The following GPC5 variants were observed in gnomAD, a reference collection of about 807,000 sequenced individuals.
GPC5 encodes the protein glypican 5.
Under a neutral mutation model 53.9 loss-of-function variants are expected in GPC5, and 47 were observed. The observed-to-expected ratio is 0.87, with a 90% confidence interval of 0.69 to 1.11. GPC5 has a LOEUF of 1.11. Among genes scored for constraint, GPC5 ranks in the 50% most tolerant of loss-of-function variants. GPC5 has a pLI of 0.00. For missense variants in GPC5, 748 were observed against 713.1 expected, an observed-to-expected ratio of 1.05 and a Z score of -0.56; for synonymous variants, 286 against 263.3, an observed-to-expected ratio of 1.09 and a Z score of -0.84.
At chr13:92,691,999 G>A (rs540563681) in intron 7 of GPC5, among the ~76,000 whole-genome samples, 1 of 152,228 alleles carries the variant, frequency 6.6e-6, no homozygotes, top group South Asian at 2.1e-4. Context: ...ATATGGAACA[G>A]TTAATTTTTC....
chr13:92,551,176 G>A (rs1882298380), intron 7 of GPC5, among the ~76,000 whole-genome samples: 1 of 151,574 alleles, frequency 6.6e-6, no homozygotes, highest in Non-Finnish European at 1.5e-5. Flanking sequence ...CCAAAAGATT[G>A]CAGAATTGAA....
chr13:91,664,566 G>T (rs9301748), intron 2 of GPC5, among the ~76,000 whole-genome samples: 2,315 of 152,204 alleles, frequency 0.015, 49 homozygotes, highest in African/African-American at 0.051. Context: ...AAATGATGGC[G>T]TTTTTCTAAA....
chr13:92,009,308 T>C (rs1194524587), intron 6 of GPC5, among the ~76,000 whole-genome samples: 1 of 139,744 alleles, frequency 7.2e-6, no homozygotes, highest in African/African-American at 2.5e-5. Flanking sequence ...TGGATTTTGT[T>C]GGAGTAACCA....
At chr13:92,286,449 G>A (rs947712925) in intron 7 of GPC5, among the ~76,000 whole-genome samples, 7 of 151,938 alleles carry the variant, frequency 4.6e-5, no homozygotes, top group Non-Finnish European at 8.8e-5. Flanking sequence ...TGTTTATTTC[G>A]GCACTATTCA....
At chr13:92,046,903 T>C (rs140320357) in intron 6 of GPC5, among the ~76,000 whole-genome samples, 5 of 152,336 alleles carry the variant, frequency 3.3e-5, no homozygotes, top group African/African-American at 9.6e-5. Flanking sequence ...TATGATACCA[T>C]TGAATGTTTT....
At chr13:92,635,118 T>C (rs1444066367) in intron 7 of GPC5, among the ~76,000 whole-genome samples, 1 of 152,130 alleles carries the variant, frequency 6.6e-6, no homozygotes, top group Admixed American at 6.6e-5. Flanking sequence ...TTATCTGATG[T>C]TTTCTGTTTT....
intron 7 of GPC5, among the ~76,000 whole-genome samples, chr13:92,284,455 C>A (rs9516042): frequency 0.085 from 13,008 of 152,184 alleles, 617 homozygotes; most frequent in Middle Eastern, 0.12. Flanking sequence ...GAATTTTAGA[C>A]CGATATCCCT....
At chr13:91,790,333 T>C (rs2138745510) in intron 5 of GPC5, among the ~76,000 whole-genome samples, 1 of 152,350 alleles carries the variant, frequency 6.6e-6, no homozygotes, top group South Asian at 2.1e-4. Context: ...CTCTTAATAC[T>C]TTGTCTCAGA....
At chr13:91,827,015 G>A (rs549700635) in intron 5 of GPC5, among the ~76,000 whole-genome samples, 40 of 152,010 alleles carry the variant, frequency 2.6e-4, no homozygotes, top group Admixed American at 5.9e-4. Context: ...CTAGTGTTTG[G>A]TAGCATAATA....
chr13:92,696,646 T>C (rs1329193553), intron 7 of GPC5, among the ~76,000 whole-genome samples: 1 of 152,210 alleles, frequency 6.6e-6, no homozygotes, highest in East Asian at 1.9e-4. Context: ...ATTCTGTAGG[T>C]TGCCTGTTCA....
intron 2 of GPC5, among the ~76,000 whole-genome samples, chr13:91,607,023 T>C (rs565085628): frequency 3.5e-4 from 53 of 152,142 alleles, no homozygotes; most frequent in Admixed American, 1.7e-3. Context: ...GCTCTTGCTT[T>C]TCTAGTTCTT....
intron 2 of GPC5, among the ~76,000 whole-genome samples, chr13:91,515,090 G>A (rs1885423469): frequency 6.6e-6 from 1 of 152,188 alleles, no homozygotes; most frequent in Non-Finnish European, 1.5e-5. Flanking sequence ...GTATTGGACA[G>A]TGCAGATACA....
intron 7 of GPC5, among the ~76,000 whole-genome samples, chr13:92,474,762 C>A (rs1357372754): frequency 6.6e-6 from 1 of 151,976 alleles, no homozygotes; most frequent in Non-Finnish European, 1.5e-5. Context: ...GTAACATAAT[C>A]CCAAGTCAGG....
intron 6 of GPC5, among the ~76,000 whole-genome samples, chr13:92,006,938 G>C (rs2040612283): frequency 6.7e-6 from 1 of 149,778 alleles, no homozygotes; most frequent in Non-Finnish European, 1.5e-5. Flanking sequence ...ATACATAGTT[G>C]TGGATGTTAT....
At chr13:92,187,417 C>T (rs974388858) in intron 7 of GPC5, among the ~76,000 whole-genome samples, 2 of 152,206 alleles carry the variant, frequency 1.3e-5, no homozygotes, top group Admixed American at 6.5e-5. Flanking sequence ...TTAAATCAAA[C>T]TATGGTCTCA....
At chr13:91,423,490 C>T (rs934190566) in intron 1 of GPC5, among the ~76,000 whole-genome samples, 2 of 151,962 alleles carry the variant, frequency 1.3e-5, no homozygotes, top group African/African-American at 4.8e-5. Flanking sequence ...GGGAAATATA[C>T]ATAAGACAGT....
intron 6 of GPC5, among the ~76,000 whole-genome samples, chr13:92,136,575 T>C (rs1489258114): frequency 6.6e-6 from 1 of 152,218 alleles, no homozygotes; most frequent in African/African-American, 2.4e-5. Flanking sequence ...ACATCTATGA[T>C]GACTAATACT....
At chr13:91,683,984 G>A (rs1566607215) in intron 2 of GPC5, among the ~76,000 whole-genome samples, 1 of 152,214 alleles carries the variant, frequency 6.6e-6, no homozygotes, top group East Asian at 1.9e-4. Flanking sequence ...GGTTGCTAAG[G>A]GCTTCTCTTT....
intron 7 of GPC5, among the ~76,000 whole-genome samples, chr13:92,425,835 G>A (rs1189695765): frequency 1.3e-5 from 2 of 151,904 alleles, no homozygotes; most frequent in African/African-American, 4.8e-5. Flanking sequence ...TAGTTTATAT[G>A]TTATCTTCAT....
Sources: gnomAD v4.1 joint callset for allele counts (sites outside exome capture counted in the v4.1 genomes callset) on GRCh38, gnomAD v4.1.1 for gene constraint, MANE v1.5 for transcripts, NCBI Gene and HGNC (gene_info 2026-07-23, HGNC 2026-07-21) for gene names.